The following ANKRD6 variants were observed in gnomAD, a reference collection of about 807,000 sequenced individuals.
ANKRD6 encodes ankyrin repeat domain 6.
In ANKRD6, 56 loss-of-function variants were observed where a neutral mutation model predicts 82.3. The observed-to-expected ratio is 0.68, with a 90% CI of 0.55 to 0.85. ANKRD6 has a LOEUF of 0.85. Among genes scored for constraint, ANKRD6 ranks in the 40% least tolerant of loss-of-function variants. The pLI, the probability that ANKRD6 is intolerant of heterozygous loss-of-function variation, is 0.00. For synonymous variants in ANKRD6, 347 were observed against 352.1 expected (o/e 0.99, Z 0.16); for missense variants, 852 against 907.6 (o/e 0.94, Z 0.79).
In ANKRD6 at chr6:89,433,573, TC is replaced by T; in HGVS notation, c.-144+204del. On this transcript the variant is annotated intron_variant, in intron 1 of 15. Transcript: ENST00000339746. This position sits in a 1 kb window ranked among gnomAD's most constrained non-coding sequence, Gnocchi z 4.3. Reference sequence around the variant, plus strand: ...TCCGAAAACGCCCGGCGCGAGGGGGTCCCCCCGGGGCGCCTCCCTCTTCGCC... The same window carrying T: ...TCCGAAAACGCCCGGCGCGAGGGGGTCCCCCGGGGCGCCTCCCTCTTCGCC... Among the ~76,000 whole-genome samples the T allele has an allele frequency of 6.6e-6, 1 of 151,574 alleles. No homozygotes were observed. The highest frequency in any genetic ancestry group is 2.1e-4 in the South Asian group (1 of 4,798).
At chr6:89,611,408 A>G (rs1193886131) in intron 5 of ANKRD6, among the ~76,000 whole-genome samples, 1 of 152,186 alleles carries the variant, frequency 6.6e-6, no homozygotes, top group African/African-American at 2.4e-5. Context: ...AGGCTCTTGG[A>G]TGACACAATG....
chr6:89,567,156 T>C, intron 2 of ANKRD6, 60 bp downstream of exon 2: 1 of 1,538,600 alleles, frequency 6.5e-7, no homozygotes, highest in Non-Finnish European at 8.8e-7. Context: ...TCTTAACCAT[T>C]GTCTGAAAAA....
intron 2 of ANKRD6, among the ~76,000 whole-genome samples, chr6:89,578,418 C>A (rs1791688114): frequency 6.6e-6 from 1 of 150,736 alleles, no homozygotes; most frequent in Admixed American, 6.7e-5. Flanking sequence ...GCCTCAGCCT[C>A]TTGAGTAGCT....
chr6:89,613,258 C>T (rs1039462077), intron 6 of ANKRD6, among the ~76,000 whole-genome samples: 1 of 152,134 alleles, frequency 6.6e-6, no homozygotes, highest in African/African-American at 2.4e-5. Flanking sequence ...CTACATAGCT[C>T]CATATAGGAT....
At chr6:89,439,399 A>T (rs941380404) in intron 1 of ANKRD6, among the ~76,000 whole-genome samples, 1 of 152,188 alleles carries the variant, frequency 6.6e-6, no homozygotes, top group Non-Finnish European at 1.5e-5. Flanking sequence ...ATATGTGTCA[A>T]TTTTACTTAT....
chr6:89,470,919 G>A (rs1775375471), intron 1 of ANKRD6, among the ~76,000 whole-genome samples: 1 of 152,062 alleles, frequency 6.6e-6, no homozygotes, highest in Non-Finnish European at 1.5e-5. Flanking sequence ...TCACCAACAT[G>A]GATGTTGTCC....
chr6:89,502,840 G>A (rs1004577650), intron 1 of ANKRD6, among the ~76,000 whole-genome samples: 2 of 152,170 alleles, frequency 1.3e-5, no homozygotes, highest in Non-Finnish European at 2.9e-5. Context: ...TTCACTTAGG[G>A]TATGACAAGA....
intron 1 of ANKRD6, among the ~76,000 whole-genome samples, chr6:89,549,145 G>A (rs1458531650): frequency 6.6e-6 from 1 of 152,154 alleles, no homozygotes; most frequent in Non-Finnish European, 1.5e-5. Context: ...GGGAGGTTGA[G>A]GCTGCAGTGA....
At chr6:89,554,495 G>C (rs557713406) in intron 1 of ANKRD6, among the ~76,000 whole-genome samples, 58 of 151,510 alleles carry the variant, frequency 3.8e-4, no homozygotes, top group African/African-American at 1.4e-3. Context: ...ACTAAGACAT[G>C]GACATATCTT....
intron 1 of ANKRD6, among the ~76,000 whole-genome samples, chr6:89,536,796 C>A (rs1783894495): frequency 6.6e-6 from 1 of 152,184 alleles, no homozygotes. Flanking sequence ...CAAGCCTGGG[C>A]AAGACAGTTG....
chr6:89,541,797 G>C (rs1014014577), intron 1 of ANKRD6, among the ~76,000 whole-genome samples: 1 of 150,532 alleles, frequency 6.6e-6, no homozygotes, highest in African/African-American at 2.4e-5. Flanking sequence ...TTTTCATAGA[G>C]ATATATATAT....
chr6:89,565,860 T>G (rs1411097860), intron 1 of ANKRD6, among the ~76,000 whole-genome samples: 1 of 152,236 alleles, frequency 6.6e-6, no homozygotes. Flanking sequence ...AAGCCCTCAC[T>G]TCCTTGCTGT....
At chr6:89,590,368 A>C (rs1161376522) in intron 2 of ANKRD6, among the ~76,000 whole-genome samples, 1 of 152,136 alleles carries the variant, frequency 6.6e-6, no homozygotes, top group African/African-American at 2.4e-5. Flanking sequence ...GTCACACATT[A>C]GAGTCACCTG....
At chr6:89,536,618 C>G (rs981790111) in intron 1 of ANKRD6, among the ~76,000 whole-genome samples, 1 of 152,184 alleles carries the variant, frequency 6.6e-6, no homozygotes, top group Non-Finnish European at 1.5e-5. Context: ...CCAAAGGCTT[C>G]CCTGTCAGGG....
intron 6 of ANKRD6, among the ~76,000 whole-genome samples, chr6:89,612,816 T>C (rs1017114046): frequency 6.6e-6 from 1 of 152,196 alleles, no homozygotes; most frequent in Non-Finnish European, 1.5e-5. Context: ...GACTGAGGCG[T>C]CCTTGGGATG....
At chr6:89,495,693 A>T (rs1467095993) in intron 1 of ANKRD6, among the ~76,000 whole-genome samples, 1 of 152,148 alleles carries the variant, frequency 6.6e-6, no homozygotes, top group Admixed American at 6.5e-5. Context: ...AAACTCTCTC[A>T]TAGGGCTTTG....
chr6:89,438,661 T>A (rs1770952020), intron 1 of ANKRD6, among the ~76,000 whole-genome samples: 1 of 152,160 alleles, frequency 6.6e-6, no homozygotes, highest in South Asian at 2.1e-4. Flanking sequence ...CTTTTTTTTT[T>A]AGACAAAATC....
intron 9 of ANKRD6, among the ~76,000 whole-genome samples, chr6:89,620,382 T>G (rs979494960): frequency 2.0e-5 from 3 of 152,328 alleles, no homozygotes; most frequent in African/African-American, 7.2e-5. Context: ...TTGGTGTGGT[T>G]CACGAACGCT....
chr6:89,504,401 TCGCTCG>T (rs907061082), intron 1 of ANKRD6, among the ~76,000 whole-genome samples: 10 of 137,668 alleles, frequency 7.3e-5, no homozygotes, highest in East Asian at 2.1e-4. Flanking sequence ...TCTCTCGCTC[TCGCTCG>T]CGCTCTCGCT....
Sources: allele counts gnomAD v4.1 joint callset (sites outside exome capture counted in the v4.1 genomes callset), GRCh38; gene constraint gnomAD v4.1.1; non-coding constraint Gnocchi (gnomAD v3.1); transcripts MANE v1.5; gene names NCBI Gene and HGNC (gene_info 2026-07-23, HGNC 2026-07-21).